The following RBFOX1 variants were observed in gnomAD, a reference collection of about 807,000 sequenced individuals.
RBFOX1 encodes RNA binding fox-1 homolog 1.
Under a neutral mutation model 57.7 loss-of-function variants are expected in RBFOX1, and 8 were observed. The observed-to-expected ratio is 0.14, with a 90% CI of 0.08 to 0.25. The LOEUF is 0.25. Ranked by LOEUF, RBFOX1 falls within the 10% of genes least tolerant of loss-of-function variation. The pLI, the probability that RBFOX1 is intolerant of heterozygous loss-of-function variation, is 1.00. For missense variants in RBFOX1, 611 were observed against 548.5 expected (o/e 1.11, Z -1.14); for synonymous variants, 326 against 222.4 (o/e 1.47, Z -4.15).
intron 2 of RBFOX1, among the ~76,000 whole-genome samples, chr16:6,430,967 G>GAAAA (rs59044318): frequency 8.8e-5 from 8 of 90,478 alleles, no homozygotes; most frequent in Non-Finnish European, 1.5e-4. Flanking sequence ...CTCATCTCCA[G>GAAAA]AAAAAAAAAA....
At chr16:6,363,171 A>G (rs747504397) in intron 2 of RBFOX1, among the ~76,000 whole-genome samples, 5 of 152,198 alleles carry the variant, frequency 3.3e-5, no homozygotes, top group African/African-American at 9.7e-5. Flanking sequence ...TTTTTTATTT[A>G]TATTGAAAAT....
chr16:7,294,244 C>A (rs547538806), intron 4 of RBFOX1, among the ~76,000 whole-genome samples: 14 of 152,056 alleles, frequency 9.2e-5, no homozygotes, highest in Non-Finnish European at 1.3e-4. Context: ...TTCCTTGTCC[C>A]ACGCACTTAC....
chr16:6,123,133 C>T (rs2096564175), intron 1 of RBFOX1, among the ~76,000 whole-genome samples: 1 of 152,148 alleles, frequency 6.6e-6, no homozygotes, highest in African/African-American at 2.4e-5. Context: ...CCTTATGATG[C>T]AGCATTTCCA....
chr16:6,920,242 G>A (rs1037372334), intron 3 of RBFOX1, among the ~76,000 whole-genome samples: 2 of 112,118 alleles, frequency 1.8e-5, no homozygotes, highest in African/African-American at 6.8e-5. Context: ...ATAAACATGG[G>A]TATGCACATG....
At chr16:7,218,026 T>G (rs552009438) in intron 4 of RBFOX1, among the ~76,000 whole-genome samples, 1 of 151,594 alleles carries the variant, frequency 6.6e-6, no homozygotes, top group Admixed American at 6.6e-5. Flanking sequence ...GTGTGTGGGG[T>G]GTGTGCGCGC....
chr16:7,074,292 A>T (rs570390589), intron 4 of RBFOX1, among the ~76,000 whole-genome samples: 23 of 152,222 alleles, frequency 1.5e-4, no homozygotes, highest in Non-Finnish European at 3.1e-4. Flanking sequence ...AAGTCTCAGA[A>T]ATCGAATGAA....
chr16:6,604,510 G>T (rs1185730292), intron 2 of RBFOX1, among the ~76,000 whole-genome samples: 1 of 152,088 alleles, frequency 6.6e-6, no homozygotes, highest in East Asian at 1.9e-4. Context: ...ATAAAGTAGA[G>T]GTTAAATGAT....
chr16:6,597,663 ACTCCAT>A, intron 2 of RBFOX1, among the ~76,000 whole-genome samples: 1 of 151,920 alleles, frequency 6.6e-6, no homozygotes, highest in South Asian at 2.1e-4. Context: ...TGAGAGCAAG[ACTCCAT>A]CTCAAAAAAC....
At chr16:6,228,684 G>A (rs1350038345) in intron 1 of RBFOX1, among the ~76,000 whole-genome samples, 4 of 152,014 alleles carry the variant, frequency 2.6e-5, no homozygotes, top group Non-Finnish European at 4.4e-5. Context: ...TTGTTGGTCG[G>A]GTACAAAATT....
At chr16:6,186,939 C>T (rs2097109126) in intron 1 of RBFOX1, among the ~76,000 whole-genome samples, 1 of 152,148 alleles carries the variant, frequency 6.6e-6, no homozygotes, top group African/African-American at 2.4e-5. Flanking sequence ...AAGATCCTCA[C>T]AAGTCATTGG....
chr16:6,948,990 C>G (rs993387194), intron 3 of RBFOX1, among the ~76,000 whole-genome samples: 1 of 152,054 alleles, frequency 6.6e-6, no homozygotes, highest in Non-Finnish European at 1.5e-5. Context: ...GAGACAGTTT[C>G]TCAAAGGAAG....
intron 4 of RBFOX1, among the ~76,000 whole-genome samples, chr16:7,369,886 G>T (rs1596640115): frequency 6.6e-6 from 1 of 152,170 alleles, no homozygotes; most frequent in East Asian, 1.9e-4. Context: ...AAACAGCAAG[G>T]CTTATCCCCA....
intron 3 of RBFOX1, among the ~76,000 whole-genome samples, chr16:5,813,098 C>T (rs552587642): frequency 2.6e-5 from 4 of 151,626 alleles, no homozygotes; most frequent in African/African-American, 9.7e-5. Flanking sequence ...ACCTCCACCT[C>T]ACAAGTTCAA....
At chr16:7,122,020 A>T (rs1242085933) in intron 4 of RBFOX1, among the ~76,000 whole-genome samples, 1 of 152,094 alleles carries the variant, frequency 6.6e-6, no homozygotes, top group Non-Finnish European at 1.5e-5. Flanking sequence ...TGGATCATAG[A>T]TCTAAATATA....
chr16:6,240,652 C>A (rs563776476), intron 1 of RBFOX1, among the ~76,000 whole-genome samples: 1 of 151,790 alleles, frequency 6.6e-6, no homozygotes, highest in African/African-American at 2.4e-5. Flanking sequence ...CCACAATTAT[C>A]ACTGACTTCA....
intron 2 of RBFOX1, among the ~76,000 whole-genome samples, chr16:5,480,202 G>T (rs978414734): frequency 6.6e-6 from 1 of 152,162 alleles, no homozygotes; most frequent in Non-Finnish European, 1.5e-5. Flanking sequence ...AATCCCTGCT[G>T]TGCTCTGTAG....
At chr16:5,984,964 A>G (rs1269796808) in intron 4 of RBFOX1, among the ~76,000 whole-genome samples, 1 of 42,044 alleles carries the variant, frequency 2.4e-5, no homozygotes, top group East Asian at 8.4e-4. Flanking sequence ...ATATATATAT[A>G]TATATATATA....
chr16:7,181,181 C>T (rs1280353746), intron 4 of RBFOX1, among the ~76,000 whole-genome samples: 2 of 152,132 alleles, frequency 1.3e-5, no homozygotes, highest in Non-Finnish European at 2.9e-5. Context: ...TCAAAGACTT[C>T]TTTGAACCTT....
At chr16:6,264,559 A>G (rs939992865) in intron 1 of RBFOX1, among the ~76,000 whole-genome samples, 1 of 152,126 alleles carries the variant, frequency 6.6e-6, no homozygotes, top group African/African-American at 2.4e-5. Flanking sequence ...CTACAGCCAC[A>G]GGGCCCTTCT....
Sources: gnomAD v4.1 joint callset for allele counts (sites outside exome capture counted in the v4.1 genomes callset) on GRCh38, gnomAD v4.1.1 for gene constraint, MANE v1.5 for transcripts, NCBI Gene and HGNC (gene_info 2026-07-23, HGNC 2026-07-21) for gene names.